Variants in CTNNA3 observed in about 807,000 individuals in gnomAD.
CTNNA3 encodes catenin alpha-3.
Under a neutral mutation model 95.7 loss-of-function variants are expected in CTNNA3, and 76 were observed. The ratio of observed to expected loss-of-function variants is 0.79; its 90% CI spans 0.66 to 0.96. The LOEUF is 0.96. Ranked by LOEUF, CTNNA3 falls within the 40% of genes least tolerant of loss-of-function variation. The probability of loss-of-function intolerance (pLI) is 0.00; values close to 1 mark genes in which losing one functional copy is unlikely to be tolerated. For missense variants in CTNNA3, 1,191 were observed against 1,089.8 expected (o/e 1.09, Z -1.31); for synonymous variants, 431 against 374.4 (o/e 1.15, Z -1.74).
rs58439311 is a variant in CTNNA3, at chr10:65,985,254, G to A, written c.2265+3438C>T. Among the ~76,000 whole-genome samples the A allele has an allele frequency of 2.2e-3, 336 of 151,014 alleles. 2 individuals carry two copies. Among genetic ancestry groups the A allele is most frequent in the African/African-American group, 7.8e-3 (322 of 41,430 alleles). ...TTTAAGCAAGAAATAATATGAAACA[G>A]TTGCAAAAATCCTCATTTTTTTCCA... is the stretch of plus-strand genomic sequence containing the variant. On this transcript the variant is annotated intron_variant, in intron 16 of 17. Coordinates refer to ENST00000433211, the MANE Select transcript of CTNNA3 (RefSeq NM_013266.4).
Position 67,738,806 on chromosome 10 carries a change from G to A in CTNNA3, c.-2+24628C>T, listed in dbSNP as rs557628378. The stretch of plus-strand genomic sequence containing the variant: ...ACTACATAACGAATGCACAAGCCTC[G>A]GAAGCCAATTCAATGAACTGGAAGA... On this transcript the variant is annotated intron_variant, in intron 1 of 17. Coordinates refer to the CTNNA3 transcript ENST00000684154. Among the ~76,000 whole-genome samples the A allele has an allele frequency of 1.6e-4, 24 of 152,200 alleles. 1 individual carries two copies. The highest frequency in any genetic ancestry group is 1.4e-3 in the South Asian group (7 of 4,828).
chr10:67,474,857 A>C (rs1847945845), intron 5 of CTNNA3, among the ~76,000 whole-genome samples: 1 of 152,200 alleles, frequency 6.6e-6, no homozygotes. Flanking sequence ...ACTCTGAAAA[A>C]CATTCTGGCA....
chr10:67,164,027 C>A (rs1419019527), intron 7 of CTNNA3, among the ~76,000 whole-genome samples: 1 of 151,716 alleles, frequency 6.6e-6, no homozygotes, highest in African/African-American at 2.4e-5. Flanking sequence ...GAAGACAACA[C>A]AGTAAATATG....
At chr10:67,357,781 G>T (rs1339957151) in intron 5 of CTNNA3, among the ~76,000 whole-genome samples, 2 of 151,620 alleles carry the variant, frequency 1.3e-5, no homozygotes, top group Non-Finnish European at 2.9e-5. Context: ...AAGGGGTGAG[G>T]GTATGAGCAC....
intron 7 of CTNNA3, among the ~76,000 whole-genome samples, chr10:66,971,909 T>A (rs1433776063): frequency 6.6e-6 from 1 of 152,150 alleles, no homozygotes; most frequent in East Asian, 1.9e-4. Context: ...TCTTTTTTTT[T>A]TAAACATGCT....
At chr10:66,436,362 A>G (rs2093337591) in intron 11 of CTNNA3, among the ~76,000 whole-genome samples, 1 of 151,978 alleles carries the variant, frequency 6.6e-6, no homozygotes, top group African/African-American at 2.4e-5. Context: ...ATGCTCCTGT[A>G]TTGTGTGCAC....
At chr10:67,232,602 C>T (rs1438381663) in intron 5 of CTNNA3, among the ~76,000 whole-genome samples, 3 of 151,694 alleles carry the variant, frequency 2.0e-5, no homozygotes, top group Non-Finnish European at 4.4e-5. Context: ...ACTGCATCAA[C>T]TAACGAGCAA....
intron 5 of CTNNA3, among the ~76,000 whole-genome samples, chr10:67,432,558 TTG>T (rs1846144843): frequency 6.6e-6 from 1 of 151,992 alleles, no homozygotes; most frequent in African/African-American, 2.4e-5. Context: ...ACTCCGGTCT[TTG>T]CTTCTGTCTT....
intron 7 of CTNNA3, among the ~76,000 whole-genome samples, chr10:66,990,351 A>G (rs1045878602): frequency 6.6e-6 from 1 of 152,206 alleles, no homozygotes; most frequent in Non-Finnish European, 1.5e-5. Context: ...CTTCTCCTCT[A>G]TGCTGAATTA....
intron 3 of CTNNA3, among the ~76,000 whole-genome samples, chr10:67,596,762 T>C (rs1238245159): frequency 6.6e-6 from 1 of 152,202 alleles, no homozygotes; most frequent in African/African-American, 2.4e-5. Flanking sequence ...AGTCATCTTG[T>C]ATAGTATGTC....
chr10:67,185,952 G>A (rs895280765), intron 6 of CTNNA3, among the ~76,000 whole-genome samples: 3 of 148,208 alleles, frequency 2.0e-5, no homozygotes, highest in African/African-American at 7.5e-5. Context: ...CCGGGACCCA[G>A]GAGGCAGAAG....
chr10:66,464,250 A>T (rs12259864), intron 11 of CTNNA3, among the ~76,000 whole-genome samples: 13,152 of 152,012 alleles, frequency 0.087, 855 homozygotes, highest in East Asian at 0.28. Context: ...ATAAGTCTAA[A>T]TTTTTCAACT....
At chr10:66,399,390 C>A (rs1159635127) in intron 11 of CTNNA3, among the ~76,000 whole-genome samples, 1 of 151,578 alleles carries the variant, frequency 6.6e-6, no homozygotes, top group Non-Finnish European at 1.5e-5. Context: ...AGAAAAAAAC[C>A]ACAAGAGATA....
chr10:66,159,626 G>GTTTTTTTTTTTTTTTTTTTGTTTT (rs34684370), intron 13 of CTNNA3, among the ~76,000 whole-genome samples: 1 of 114,936 alleles, frequency 8.7e-6, no homozygotes, highest in Non-Finnish European at 1.8e-5. Context: ...TTTGTTTTCT[G>GTTTTTTTTTTTTTTTTTTTGTTTT]TTTTTTTTTT....
At chr10:66,754,396 A>G (rs2132740082) in intron 9 of CTNNA3, among the ~76,000 whole-genome samples, 1 of 152,354 alleles carries the variant, frequency 6.6e-6, no homozygotes, top group East Asian at 1.9e-4. Context: ...TGTGAGAGCT[A>G]AAAGTATAAA....
At chr10:67,400,907 C>A (rs1844891552) in intron 5 of CTNNA3, among the ~76,000 whole-genome samples, 1 of 152,062 alleles carries the variant, frequency 6.6e-6, no homozygotes. Flanking sequence ...GAAACTCTAT[C>A]AATTAAAAAA....
At chr10:66,383,379 G>A (rs936223859) in intron 11 of CTNNA3, among the ~76,000 whole-genome samples, 1 of 152,134 alleles carries the variant, frequency 6.6e-6, no homozygotes. Flanking sequence ...AATAAAGTGA[G>A]AAGACAAGGT....
intron 9 of CTNNA3, among the ~76,000 whole-genome samples, chr10:66,661,324 A>G (rs180947184): frequency 6.6e-6 from 1 of 152,084 alleles, no homozygotes; most frequent in Non-Finnish European, 1.5e-5. Context: ...TGGTGGTGGC[A>G]AGAGACAAAC....
At chr10:66,932,504 G>A (rs952761806) in intron 7 of CTNNA3, among the ~76,000 whole-genome samples, 4 of 152,098 alleles carry the variant, frequency 2.6e-5, no homozygotes, top group Admixed American at 2.6e-4. Flanking sequence ...TTAGAATCCA[G>A]ATCTGTAGCT....
Sources: allele counts gnomAD v4.1 joint callset (sites outside exome capture counted in the v4.1 genomes callset), GRCh38; gene constraint gnomAD v4.1.1; transcripts MANE v1.5; gene names NCBI Gene and HGNC (gene_info 2026-07-23, HGNC 2026-07-21).